PTPRD: variants seen among roughly 807,000 people sequenced by gnomAD.
The protein encoded by PTPRD is receptor-type tyrosine-protein phosphatase delta.
A neutral mutation model predicts 214.5 loss-of-function variants in PTPRD; 34 were observed. The ratio of observed to expected loss-of-function variants is 0.16; its 90% confidence interval spans 0.12 to 0.21. PTPRD has a LOEUF of 0.21. Ranked by LOEUF, PTPRD falls within the 10% of genes least tolerant of loss-of-function variation. The pLI is 1.00. For synonymous variants in PTPRD, 1,128 were observed against 845.7 expected, an observed-to-expected ratio of 1.33 and a Z score of -5.79; for missense variants, 2,545 against 2,398.7, an observed-to-expected ratio of 1.06 and a Z score of -1.27.
chr9:8,929,751 A>ATGTG lies in PTPRD; in HGVS notation c.-104+88945_-104+88946insCACA, dbSNP rs1567060915. ...TATATGTGTATATATATGTGTATAT[A>ATGTG]TATATGTATATATATGTGTATATAT... On this transcript the variant is annotated intron_variant, in intron 11 of 45. Coordinates refer to ENST00000381196, the MANE Select transcript of PTPRD (RefSeq NM_002839.4). Among the ~76,000 whole-genome samples, 20 of 82,186 alleles carry ATGTG rather than the reference A, an allele frequency of 2.4e-4. 2 individuals are homozygous for ATGTG. Among genetic ancestry groups the ATGTG allele is most frequent in the Non-Finnish European group, 4.6e-4 (19 of 40,928 alleles). 53.9% of individuals were successfully genotyped at this position (82,186 alleles called of 152,430 possible).
chr9:9,463,928 G>C (rs2093905747), intron 8 of PTPRD, among the ~76,000 whole-genome samples: 2 of 152,162 alleles, frequency 1.3e-5, no homozygotes, highest in South Asian at 2.1e-4. Context: ...CATTTGGACA[G>C]TGAGACACCA....
intron 8 of PTPRD, among the ~76,000 whole-genome samples, chr9:9,552,083 C>A (rs1173709451): frequency 1.3e-5 from 2 of 152,038 alleles, no homozygotes; most frequent in Non-Finnish European, 2.9e-5. Context: ...TCTCCTCTCA[C>A]TTTCATAATA....
intron 2 of PTPRD, among the ~76,000 whole-genome samples, chr9:10,598,206 C>T: frequency 6.6e-6 from 1 of 151,688 alleles, no homozygotes; most frequent in East Asian, 1.9e-4. Flanking sequence ...TTTGATTTTC[C>T]TTAGATATTA....
rs577365225 is a variant in PTPRD at position 8,497,897 on chromosome 9, C to T, written c.2323-629G>A. Reference sequence around the variant, plus strand: ...TTCTGTAATGTAAAATATCTAAGAACCAAAGGAGAACACCAAAGCACACTG... The same window carrying T: ...TTCTGTAATGTAAAATATCTAAGAATCAAAGGAGAACACCAAAGCACACTG... On this transcript the variant is annotated intron_variant, in intron 25 of 45. Transcript: ENST00000381196. 2.0e-5 allele frequency among the ~76,000 whole-genome samples: 3 copies of T among 152,216 alleles called. No individual in the cohort carries two copies. In the South Asian group the frequency reaches 6.2e-4, roughly 32 times the overall value.
chr9:9,496,756 A>G (rs1012572661), intron 8 of PTPRD, among the ~76,000 whole-genome samples: 2 of 152,222 alleles, frequency 1.3e-5, no homozygotes, highest in African/African-American at 2.4e-5. Flanking sequence ...CTGGAAATAT[A>G]TCAAAAATAC....
At chr9:10,062,196 A>G (rs2097787785) in intron 3 of PTPRD, among the ~76,000 whole-genome samples, 1 of 152,104 alleles carries the variant, frequency 6.6e-6, no homozygotes, top group Non-Finnish European at 1.5e-5. Context: ...TCTAGGCATT[A>G]AAAGATGCTG....
chr9:10,534,523 T>G (rs2057281262), intron 2 of PTPRD, among the ~76,000 whole-genome samples: 1 of 152,082 alleles, frequency 6.6e-6, no homozygotes, highest in Non-Finnish European at 1.5e-5. Flanking sequence ...GCAGGTATTT[T>G]TATAGCCCAT....
At chr9:10,228,934 G>A (rs2099598548) in intron 3 of PTPRD, among the ~76,000 whole-genome samples, 2 of 151,822 alleles carry the variant, frequency 1.3e-5, no homozygotes. Flanking sequence ...CTATGGGAGT[G>A]TAAAAACACT....
rs112792254 is a variant in PTPRD at position 9,765,364 on chromosome 9, C to T, written c.-326+1446G>A. ...AGCATTACGTTTGCATGAGATAGAA[C>T]AGGCATCAATTACTAATGATAGTAT... On this transcript the variant is annotated intron_variant, in intron 6 of 45. Coordinates refer to ENST00000381196, the MANE Select transcript of PTPRD (RefSeq NM_002839.4). Among the ~76,000 whole-genome samples, 99 of 152,256 alleles carry T rather than the reference C, an allele frequency of 6.5e-4. 1 individual carries two copies. The highest frequency in any genetic ancestry group is 2.3e-3 in the African/African-American group (94 of 41,554).
At chr9:8,755,347 T>C (rs144978723) in intron 11 of PTPRD, among the ~76,000 whole-genome samples, 2 of 151,762 alleles carry the variant, frequency 1.3e-5, no homozygotes, top group East Asian at 3.9e-4. Context: ...CTGGCCAACA[T>C]GGTGAAACCC....
At chr9:9,017,640 GAAAC>G (rs1372508271) in intron 11 of PTPRD, among the ~76,000 whole-genome samples, 1 of 152,032 alleles carries the variant, frequency 6.6e-6, no homozygotes, top group Non-Finnish European at 1.5e-5. Context: ...AATAAATCAA[GAAAC>G]ATTTTCTTCA....
At chr9:10,059,217 GA>G (rs1567388724) in intron 3 of PTPRD, among the ~76,000 whole-genome samples, 1 of 152,066 alleles carries the variant, frequency 6.6e-6, no homozygotes, top group Non-Finnish European at 1.5e-5. Flanking sequence ...TGGAAAAGGG[GA>G]TTAGTTTAGA....
At chr9:8,643,709 G>T (rs183835363) in intron 12 of PTPRD, among the ~76,000 whole-genome samples, 1 of 152,380 alleles carries the variant, frequency 6.6e-6, no homozygotes, top group Admixed American at 6.5e-5. Context: ...TGTTGGGGCA[G>T]CACTGAGACA....
chr9:9,855,187 T>C (rs1050776375), intron 5 of PTPRD, among the ~76,000 whole-genome samples: 1 of 152,210 alleles, frequency 6.6e-6, no homozygotes, highest in Non-Finnish European at 1.5e-5. Context: ...GCAAAGGGTA[T>C]ATAATGTTTT....
intron 2 of PTPRD, among the ~76,000 whole-genome samples, chr9:10,433,683 G>A (rs569571795): frequency 9.2e-5 from 14 of 151,994 alleles, no homozygotes; most frequent in Admixed American, 5.9e-4. Context: ...TAAAAAAGTA[G>A]TAATTTTATA....
chr9:8,992,889 T>G (rs2154349060), intron 11 of PTPRD, among the ~76,000 whole-genome samples: 1 of 152,270 alleles, frequency 6.6e-6, no homozygotes, highest in Middle Eastern at 3.4e-3. Flanking sequence ...TATGGCTGTT[T>G]CCATGCCAGC....
At chr9:9,656,702 T>C (rs1276728501) in intron 7 of PTPRD, among the ~76,000 whole-genome samples, 2 of 152,148 alleles carry the variant, frequency 1.3e-5, no homozygotes, top group African/African-American at 2.4e-5. Context: ...GGATACATCA[T>C]TAAAATTTGC....
chr9:10,489,576 G>C lies in PTPRD; in HGVS notation c.-600+122822C>G, dbSNP rs1365330184. On this transcript the variant is annotated intron_variant, in intron 2 of 45. Coordinates refer to ENST00000381196, the MANE Select transcript of PTPRD (RefSeq NM_002839.4). ...AGACTGCCTTTCAAGTTTATTTAGA[G>C]CTCCAGAGCACTTTGGCCTGCAGCT... is the stretch of plus-strand genomic sequence containing the variant. 3.3e-5 allele frequency among the ~76,000 whole-genome samples: 5 copies of C among 152,248 alleles called. No individual in the cohort carries two copies. The East Asian group carries it at 9.7e-4, about 29-fold the overall frequency.
At chr9:9,947,553 ATATATATATTT>A (rs2092903102) in intron 4 of PTPRD, among the ~76,000 whole-genome samples, 4 of 28,614 alleles carry the variant, frequency 1.4e-4, no homozygotes, top group Admixed American at 7.1e-4. Flanking sequence ...TATATATATT[ATATATATATTT>A]TATATATATA....
Sources: gnomAD v4.1 joint callset for allele counts (sites outside exome capture counted in the v4.1 genomes callset) on GRCh38, gnomAD v4.1.1 for gene constraint, MANE v1.5 for transcripts, NCBI Gene and HGNC (gene_info 2026-07-23, HGNC 2026-07-21) for gene names.